Variants in CYB5R2 observed in about 807,000 individuals in gnomAD.
The protein encoded by CYB5R2 is NADH-cytochrome b5 reductase 2.
A neutral mutation model predicts 29.8 loss-of-function variants in CYB5R2; 35 were observed. The observed-to-expected ratio is 1.17, with a 90% CI of 0.90 to 1.56. The LOEUF (loss-of-function observed/expected upper bound fraction) is 1.56. Among genes scored for constraint, CYB5R2 ranks in the 40% most tolerant of loss-of-function variants. The pLI is 0.00. For synonymous variants in CYB5R2, 169 were observed against 130.6 expected, an observed-to-expected ratio of 1.29 and a Z score of -2.01; for missense variants, 419 against 346.7, an observed-to-expected ratio of 1.21 and a Z score of -1.66.
At chr11:7,672,986 C>A (rs1855853682) in intron 1 of CYB5R2, 95 bp from the exon 2 acceptor site, 1 of 1,226,918 alleles carries the variant, frequency 8.2e-7, no homozygotes, top group Non-Finnish European at 1.2e-6. Context: ...ACCAAAGGCA[C>A]AGGAGCTGAG....
In CYB5R2 at chr11:7,665,244, G is replaced by A. The variant is rs1590854927; in HGVS notation, c.*130C>T. 5.2e-6 allele frequency: 4 copies of A among 771,508 alleles called. No individual in the cohort carries two copies. The highest frequency in any genetic ancestry group is 5.0e-4 in the Middle Eastern group (2 of 4,006). The allele number at this position is 771,508 out of a possible 1,614,324, so 47.8% of individuals were successfully genotyped here. A position where few individuals can be genotyped will look rare whatever the true frequency, so the allele number is the denominator to read the frequency against. ...TTTGTTAGGCCCACACCCAAAAGAGGAGAACCAGTGTGTGCGCGAAGGTAC... is the reference window on the plus strand; with the variant it reads ...TTTGTTAGGCCCACACCCAAAAGAGAAGAACCAGTGTGTGCGCGAAGGTAC... On this transcript the variant is annotated 3_prime_UTR_variant, in exon 9 of 9. Transcript: ENST00000299498.
chr11:7,673,940 G>A (rs541351465), upstream of CYB5R2: 65 of 1,002,808 alleles, frequency 6.5e-5, no homozygotes, highest in Non-Finnish European at 7.6e-5. Flanking sequence ...TGGTCGGGGG[G>A]CTCTCACTCA....
At chr11:7,673,911 C>T (rs1590890133), upstream of CYB5R2, 1 of 1,000,052 alleles carries the variant, frequency 1.0e-6, no homozygotes, top group Non-Finnish European at 1.2e-6. Flanking sequence ...GCGGCTGGCC[C>T]GCTCCCCGAG....
At chr11:7,672,556 G>C in intron 2 of CYB5R2, 33 bp from the exon 3 acceptor site, 2 of 1,608,822 alleles carry the variant, frequency 1.2e-6, no homozygotes, top group South Asian at 2.2e-5. Flanking sequence ...GGTTCTGTCA[G>C]CTTTCTAGAA....
chr11:7,669,311 G>T lies in CYB5R2; in HGVS notation c.282C>A (p.Pro94=). ...IIKIYFKNVH[P]QYPEGGKMTQ... ...TCATCTTCCCACCTTCAGGATATTG[G>T]GGGTGTACATTTTTGAAGTAGATCT... Residue 94 remains proline, a synonymous_variant, in exon 5 of 9, where the codon CCC becomes CCA. Transcript: ENST00000299498. 6.2e-7 allele frequency: 1 copy of T among 1,612,974 alleles called. No individual in the cohort carries two copies. The highest frequency in any genetic ancestry group is 8.5e-7 in the Non-Finnish European group (1 of 1,179,398).
Position 7,672,441 on chromosome 11 carries a change from C to A in CYB5R2, c.151+10G>T, listed in dbSNP as rs376133963. On this transcript the variant is annotated intron_variant, in intron 3 of 8. Coordinates refer to ENST00000299498, the MANE Select transcript of CYB5R2 (RefSeq NM_016229.5). ...GCCCCAGTCCTGGTGATGACCCAAG[C>A]CCGGCTCACCTACAGGAAGCCCTAA... The A allele has an allele frequency of 1.7e-5, 27 of 1,613,788 alleles. No individual in the cohort carries two copies. In the African/African-American group the frequency reaches 3.6e-4, roughly 22 times the overall value.
At chr11:7,673,077 G>A (rs1855859565) in intron 1 of CYB5R2, 186 bp from the exon 2 acceptor site, 1 of 555,654 alleles carries the variant, frequency 1.8e-6, no homozygotes, top group Non-Finnish European at 3.1e-6. Context: ...CCAGAGGGTA[G>A]GGAGGGGTCA....
chr11:7,668,284 G>A (rs552075741), intron 6 of CYB5R2, among the ~76,000 whole-genome samples, 194 bp downstream of exon 6: 1 of 152,194 alleles, frequency 6.6e-6, no homozygotes, highest in Admixed American at 6.5e-5. Flanking sequence ...CAAGGCTCCT[G>A]AGCAGCCACC....
intron 3 of CYB5R2, 96 bp downstream of exon 3, chr11:7,672,355 C>G (rs781197686): frequency 2.6e-5 from 27 of 1,058,030 alleles, no homozygotes; most frequent in Non-Finnish European, 3.1e-5. Flanking sequence ...GGGCATCTTC[C>G]ACACCTCAGG....
chr11:7,672,640 A>ACACACACC, intron 2 of CYB5R2, 108 bp downstream of exon 2: 1 of 1,509,852 alleles, frequency 6.6e-7, no homozygotes, highest in East Asian at 2.3e-5. Flanking sequence ...ACACACACAC[A>ACACACACC]CAGGGCGGCG....
intron 4 of CYB5R2, 54 bp from the exon 5 acceptor site, chr11:7,669,388 C>T (rs1353633428): frequency 2.2e-5 from 35 of 1,560,698 alleles, no homozygotes; most frequent in Non-Finnish European, 2.8e-5. Context: ...GCCACAGCCA[C>T]GTACAACTAG....
At position 7,666,372 on chromosome 11, in the gene CYB5R2, CAA is replaced by C. The variant is rs1855218141; in HGVS notation, c.658+77_658+78del. ...CTGGTCCTACAAAACTAAAACAAAA[CAA>C]AGAGACAGAGACCAGTCCTCAAAGT... On this transcript the variant is annotated intron_variant, in intron 8 of 8. Transcript: ENST00000299498. 3.2e-6 allele frequency: 3 copies of C among 924,442 alleles called. No homozygotes were observed. The East Asian group carries it at 7.3e-5, about 22-fold the overall frequency. 57.3% of individuals were successfully genotyped at this position (924,442 alleles called of 1,614,324 possible).
chr11:7,672,874 CAGG>C lies in CYB5R2; in HGVS notation c.-52_-50del, dbSNP rs1280610178. ...CAGTGACCCCAGTGACGGTGATGGT[CAGG>C]AGCAGGGACGGGTCCTGGCAGACAC... On this transcript the variant is annotated 5_prime_UTR_variant, in exon 2 of 9. Transcript: ENST00000299498. 5.0e-6 allele frequency: 8 copies of C among 1,613,492 alleles called. No individual in the cohort carries two copies. The highest frequency in any genetic ancestry group is 6.8e-6 in the Non-Finnish European group (8 of 1,179,804).
In CYB5R2 at chr11:7,668,403, G is replaced by A. The variant is rs75845221; in HGVS notation, c.472+75C>T. The A allele has an allele frequency of 5.9e-4, 681 of 1,158,624 alleles. 6 individuals are homozygous for A. In the African/African-American group the frequency reaches 9.0e-3, roughly 15 times the overall value. The allele number at this position is 1,158,624 out of a possible 1,614,324, so 71.8% of individuals were successfully genotyped here. A position where few individuals can be genotyped will look rare whatever the true frequency, so the allele number is the denominator to read the frequency against. On this transcript the variant is annotated intron_variant, in intron 6 of 8. Coordinates refer to ENST00000299498, the MANE Select transcript of CYB5R2 (RefSeq NM_016229.5). ...GCGAAATCTCTCATGTTGTCCCTTAGAGGATCAAATGACTCCCAAGTCAGA... is the reference window on the plus strand; with the variant it reads ...GCGAAATCTCTCATGTTGTCCCTTAAAGGATCAAATGACTCCCAAGTCAGA...
chr11:7,670,207 G>C (rs1855641419), intron 3 of CYB5R2: 1 of 174,722 alleles, frequency 5.7e-6, no homozygotes. Context: ...CAAAAAATTA[G>C]CCAGGTGTGG....
intron 3 of CYB5R2, chr11:7,671,773 G>A (rs1855756344): frequency 1.3e-5 from 2 of 152,232 alleles, no homozygotes; most frequent in African/African-American, 4.8e-5. Context: ...GATTCTAGCA[G>A]TTTTCTACTG....
At chr11:7,672,428 G>C in intron 3 of CYB5R2, 23 bp downstream of exon 3, 3 of 1,610,822 alleles carry the variant, frequency 1.9e-6, no homozygotes, top group Non-Finnish European at 2.5e-6. Flanking sequence ...CCCAGTCCTG[G>C]TGATGACCCA....
intron 6 of CYB5R2, 109 bp from the exon 7 acceptor site, chr11:7,667,922 A>C: frequency 1.9e-5 from 17 of 885,058 alleles, no homozygotes; most frequent in Non-Finnish European, 3.0e-5. Context: ...TCCTTTTCTC[A>C]CTTCTGTCCC....
intron 6 of CYB5R2, among the ~76,000 whole-genome samples, chr11:7,668,115 C>T (rs1336031076): frequency 6.6e-6 from 1 of 152,222 alleles, no homozygotes; most frequent in African/African-American, 2.4e-5. Flanking sequence ...ATTACAGTGC[C>T]TGGCACATTG....
Sources: gnomAD v4.1 joint callset for allele counts (sites outside exome capture counted in the v4.1 genomes callset) on GRCh38, gnomAD v4.1.1 for gene constraint, MANE v1.5 for transcripts, NCBI Gene and HGNC (gene_info 2026-07-23, HGNC 2026-07-21) for gene names.